Variants in ANKIB1 observed in about 807,000 individuals in gnomAD.
The protein encoded by ANKIB1 is ankyrin repeat and IBR domain containing 1, also known as ankyrin repeat and IBR domain-containing protein 1.
Under a neutral mutation model 122.1 loss-of-function variants are expected in ANKIB1, and 43 were observed. That is an observed-to-expected ratio of 0.35 (90% CI 0.28 to 0.45). ANKIB1 has a LOEUF of 0.45. Ranked by LOEUF, ANKIB1 falls within the 20% of genes least tolerant of loss-of-function variation. The pLI, the probability that ANKIB1 is intolerant of heterozygous loss-of-function variation, is 1.00. For missense variants in ANKIB1, 992 were observed against 1,329.5 expected (o/e 0.75, Z 3.95); for synonymous variants, 390 against 442.0 (o/e 0.88, Z 1.48).
intron 9 of ANKIB1, among the ~76,000 whole-genome samples, chr7:92,357,754 AAG>A (rs1356633573): frequency 6.6e-6 from 1 of 151,376 alleles, no homozygotes; most frequent in African/African-American, 2.4e-5. Flanking sequence ...AAAAAAGAAA[AAG>A]AAAAAAAAAC....
intron 1 of ANKIB1, among the ~76,000 whole-genome samples, chr7:92,282,934 T>A (rs1373888811): frequency 6.6e-6 from 1 of 152,202 alleles, no homozygotes; most frequent in African/African-American, 2.4e-5. Flanking sequence ...GTTTTCTGCT[T>A]GTAGACCTCA....
chr7:92,347,774 AT>A (rs1803570849), intron 7 of ANKIB1, among the ~76,000 whole-genome samples: 2 of 152,182 alleles, frequency 1.3e-5, no homozygotes, highest in African/African-American at 4.8e-5. Flanking sequence ...GATTTAGGTA[AT>A]TGGTAGCCTG....
At chr7:92,380,223 G>A (rs941302657) in intron 11 of ANKIB1, among the ~76,000 whole-genome samples, 5 of 152,186 alleles carry the variant, frequency 3.3e-5, no homozygotes, top group African/African-American at 9.7e-5. Context: ...TAAACAAAAC[G>A]GCTGGGAAGC....
At chr7:92,250,461 CT>C (rs1562759389) in intron 1 of ANKIB1, among the ~76,000 whole-genome samples, 1 of 152,178 alleles carries the variant, frequency 6.6e-6, no homozygotes, top group Non-Finnish European at 1.5e-5. Flanking sequence ...ATTGTTTAAA[CT>C]TTTGAAAAGA....
intron 2 of ANKIB1, among the ~76,000 whole-genome samples, chr7:92,305,120 T>G (rs867692523): frequency 2.5e-4 from 38 of 152,264 alleles, no homozygotes; most frequent in African/African-American, 9.2e-4. Context: ...TAACACTGTA[T>G]TGATTTTCAT....
chr7:92,256,334 A>C (rs1274855838), intron 1 of ANKIB1, among the ~76,000 whole-genome samples: 5 of 152,216 alleles, frequency 3.3e-5, no homozygotes, highest in Non-Finnish European at 7.3e-5. Context: ...TTGCCTTTTA[A>C]TAAAGTTAAT....
intron 5 of ANKIB1, among the ~76,000 whole-genome samples, chr7:92,342,054 A>G (rs1367919369): frequency 2.8e-5 from 4 of 143,088 alleles, no homozygotes; most frequent in African/African-American, 5.6e-5. Flanking sequence ...AATATAGTTG[A>G]AAAAAAAAAA....
intron 17 of ANKIB1, among the ~76,000 whole-genome samples, chr7:92,394,727 T>C (rs985612570): frequency 3.9e-5 from 6 of 152,174 alleles, no homozygotes; most frequent in Non-Finnish European, 7.4e-5. Context: ...TTTGAGGTCA[T>C]GGGCCTCTAG....
rs766956969 is a variant in ANKIB1, at chr7:92,344,999, A to T, written c.1018A>T (p.Ile340Phe). 2 of 1,612,710 alleles carry T rather than the reference A, an allele frequency of 1.2e-6. No homozygotes were observed. Among genetic ancestry groups the T allele is most frequent in the Non-Finnish European group, 1.7e-6 (2 of 1,179,138 alleles). The stretch of plus-strand genomic sequence containing the variant: ...CCAGTGTGACATTTGTATGTGCAGT[A>T]TCTCTGTATTTGAAGACCCTGTGGA... ...TSLCDICMCSISVFEDPVDMP... is the reference protein window; with the variant it reads ...TSLCDICMCSFSVFEDPVDMP... Residue 340 changes from isoleucine to phenylalanine, a missense_variant, in exon 7 of 20, where the codon ATC becomes TTC. Around this residue, in one of 4 missense-constraint regions of ANKIB1, gnomAD observed 521 missense variants for 777.7 expected, o/e 0.67. Transcript: ENST00000265742.
chr7:92,391,067 A>C, intron 15 of ANKIB1, 99 bp from the exon 16 acceptor site: 1 of 1,024,304 alleles, frequency 9.8e-7, no homozygotes, highest in Non-Finnish European at 1.3e-6. Flanking sequence ...TTCTTACTTC[A>C]AAAGAGTTAG....
chr7:92,300,786 A>G (rs1000128633), intron 2 of ANKIB1, among the ~76,000 whole-genome samples: 2 of 152,098 alleles, frequency 1.3e-5, no homozygotes, highest in Non-Finnish European at 2.9e-5. Flanking sequence ...CATGCTGTTT[A>G]TTAGGTCTCC....
intron 4 of ANKIB1, among the ~76,000 whole-genome samples, chr7:92,321,487 C>A (rs1469735050): frequency 6.6e-6 from 1 of 152,108 alleles, no homozygotes; most frequent in African/African-American, 2.4e-5. Context: ...TCCATGAAGG[C>A]TAGAGCCATA....
chr7:92,348,975 G>A (rs1040286685), intron 7 of ANKIB1, among the ~76,000 whole-genome samples: 1 of 152,214 alleles, frequency 6.6e-6, no homozygotes, highest in African/African-American at 2.4e-5. Context: ...AGAAGTGAAT[G>A]AGATGGGCTT....
chr7:92,344,210 T>C (rs1301466486), intron 6 of ANKIB1, among the ~76,000 whole-genome samples: 1 of 97,266 alleles, frequency 1.0e-5, no homozygotes, highest in Non-Finnish European at 2.3e-5. Context: ...TTTTTTTTTT[T>C]TTTTTTTTTT....
At chr7:92,300,729 T>A (rs915872468) in intron 2 of ANKIB1, among the ~76,000 whole-genome samples, 1 of 152,146 alleles carries the variant, frequency 6.6e-6, no homozygotes, top group Non-Finnish European at 1.5e-5. Flanking sequence ...ATTATACTTT[T>A]GTAGCAAATT....
intron 12 of ANKIB1, 49 bp downstream of exon 12, chr7:92,386,692 C>T (rs1238674063): frequency 3.5e-6 from 5 of 1,427,190 alleles, no homozygotes; most frequent in South Asian, 1.7e-5. Flanking sequence ...CGCTCACTGC[C>T]ACTGGAATTA....
intron 5 of ANKIB1, among the ~76,000 whole-genome samples, chr7:92,329,380 G>A (rs954121163): frequency 6.6e-6 from 1 of 152,138 alleles, no homozygotes; most frequent in Admixed American, 6.5e-5. Flanking sequence ...ACTAAATGGA[G>A]ATTCCTAGGA....
intron 1 of ANKIB1, among the ~76,000 whole-genome samples, chr7:92,282,911 C>T (rs1802038480): frequency 6.6e-6 from 1 of 152,080 alleles, no homozygotes; most frequent in Non-Finnish European, 1.5e-5. Context: ...TAGTTGTATT[C>T]CAAGTTTCGA....
intron 1 of ANKIB1, among the ~76,000 whole-genome samples, chr7:92,259,175 C>G (rs1238429395): frequency 6.6e-6 from 1 of 152,090 alleles, no homozygotes; most frequent in African/African-American, 2.4e-5. Context: ...AGGCTGGTCT[C>G]GGACTCTTGA....
Sources: allele counts gnomAD v4.1 joint callset (sites outside exome capture counted in the v4.1 genomes callset), GRCh38; gene constraint gnomAD v4.1.1; regional missense constraint gnomAD v4.1.1; transcripts MANE v1.5; gene names NCBI Gene and HGNC (gene_info 2026-07-23, HGNC 2026-07-21).